GLIS3: variants seen among roughly 807,000 people sequenced by gnomAD.
The protein encoded by GLIS3 is zinc finger protein GLIS3.
In GLIS3, 53 loss-of-function variants were observed where a neutral mutation model predicts 78.6. The observed-to-expected ratio is 0.67, with a 90% CI of 0.54 to 0.85. The LOEUF (loss-of-function observed/expected upper bound fraction) is 0.85. Ranked by LOEUF, GLIS3 falls within the 40% of genes least tolerant of loss-of-function variation. GLIS3 has a pLI of 0.00. For missense variants in GLIS3, 1,703 were observed against 1,231.1 expected (o/e 1.38, Z -5.74); for synonymous variants, 684 against 509.9 (o/e 1.34, Z -4.60).
intron 4 of GLIS3, among the ~76,000 whole-genome samples, chr9:3,954,799 T>C (rs928938119): frequency 6.6e-6 from 1 of 152,202 alleles, no homozygotes; most frequent in Non-Finnish European, 1.5e-5. Flanking sequence ...CATTCTTTAC[T>C]CATCCTCCCC....
At chr9:3,839,704 C>T (rs1490324359) in intron 9 of GLIS3, among the ~76,000 whole-genome samples, 2 of 152,110 alleles carry the variant, frequency 1.3e-5, no homozygotes, top group Non-Finnish European at 2.9e-5. Flanking sequence ...TGTCAGATTA[C>T]TGGGGCTCAG....
chr9:3,898,282 C>A, intron 7 of GLIS3: 2 of 264,758 alleles, frequency 7.6e-6, no homozygotes, highest in South Asian at 4.4e-5. Flanking sequence ...GTGAAAATTT[C>A]CTTAGAGACC....
At chr9:4,228,173 A>G (rs1821937477) in intron 2 of GLIS3, among the ~76,000 whole-genome samples, 1 of 147,762 alleles carries the variant, frequency 6.8e-6, no homozygotes, top group Non-Finnish European at 1.5e-5. Context: ...TAAAGTAGAA[A>G]TTCATAAAGA....
intron 4 of GLIS3, among the ~76,000 whole-genome samples, chr9:4,095,686 C>T (rs1230436030): frequency 1.3e-5 from 2 of 152,112 alleles, no homozygotes; most frequent in Non-Finnish European, 2.9e-5. Flanking sequence ...TATAAATTTG[C>T]TTCATGTTTA....
At chr9:4,255,603 A>G (rs1394739061) in intron 2 of GLIS3, among the ~76,000 whole-genome samples, 2 of 152,210 alleles carry the variant, frequency 1.3e-5, no homozygotes, top group African/African-American at 4.8e-5. Context: ...AAGTGAAAGA[A>G]GCCAGTCTGA....
At chr9:4,078,340 G>C (rs1424839922) in intron 4 of GLIS3, among the ~76,000 whole-genome samples, 1 of 152,122 alleles carries the variant, frequency 6.6e-6, no homozygotes, top group Non-Finnish European at 1.5e-5. Context: ...CTTCTGCAAA[G>C]TCCTGCTCCT....
chr9:4,209,962 G>A (rs941104314), intron 2 of GLIS3, among the ~76,000 whole-genome samples: 3 of 152,180 alleles, frequency 2.0e-5, no homozygotes, highest in African/African-American at 7.2e-5. Flanking sequence ...CATCCGTAAT[G>A]TTTTCCATCA....
At chr9:4,134,745 T>C (rs373932665) in intron 2 of GLIS3, among the ~76,000 whole-genome samples, 15 of 152,260 alleles carry the variant, frequency 9.9e-5, no homozygotes, top group African/African-American at 3.6e-4. Context: ...CTAGCCATTT[T>C]TTAAAAAAGG....
chr9:4,175,817 T>C (rs981086836), intron 2 of GLIS3, among the ~76,000 whole-genome samples: 4 of 152,214 alleles, frequency 2.6e-5, no homozygotes, highest in Admixed American at 6.5e-5. Flanking sequence ...GCATATTACA[T>C]GTCTTTTTTT....
intron 2 of GLIS3, among the ~76,000 whole-genome samples, chr9:4,243,899 G>A (rs1013057599): frequency 6.6e-6 from 1 of 152,222 alleles, no homozygotes; most frequent in South Asian, 2.1e-4. Flanking sequence ...GAGCTTAGAA[G>A]AGGATGTGGA....
intron 4 of GLIS3, among the ~76,000 whole-genome samples, chr9:4,108,040 A>G (rs1460173131): frequency 6.6e-6 from 1 of 152,180 alleles, no homozygotes; most frequent in Non-Finnish European, 1.5e-5. Flanking sequence ...AAGGTGAATA[A>G]TTAATGATCT....
chr9:4,257,960 T>G (rs529118385), intron 2 of GLIS3, among the ~76,000 whole-genome samples: 1 of 152,280 alleles, frequency 6.6e-6, no homozygotes, highest in Admixed American at 6.5e-5. Flanking sequence ...ATATCTAATT[T>G]GAAGATTTTT....
chr9:3,879,307 C>T (rs1821560649), intron 8 of GLIS3, 120 bp downstream of exon 8: 1 of 930,182 alleles, frequency 1.1e-6, no homozygotes, highest in Non-Finnish European at 1.8e-6. Flanking sequence ...AAAATGTCAC[C>T]TTTGGGTAAC....
intron 2 of GLIS3, among the ~76,000 whole-genome samples, chr9:4,160,846 GGTAGTCAC>G (rs1835415572): frequency 6.6e-6 from 1 of 152,146 alleles, no homozygotes; most frequent in African/African-American, 2.4e-5. Flanking sequence ...TGGTAAACCA[GGTAGTCAC>G]CTGTCTCAAT....
the GLIS3 span, among the ~76,000 whole-genome samples, chr9:4,417,902 A>G: frequency 5.2e-4 from 79 of 152,238 alleles, no homozygotes; most frequent in East Asian, 0.014. Context: ...GTGGATTGGT[A>G]TATCTGTCAA....
chr9:4,012,759 CTTTTTCTTTTTTTTT>C (rs925588058), intron 4 of GLIS3, among the ~76,000 whole-genome samples: 2 of 103,506 alleles, frequency 1.9e-5, no homozygotes, highest in African/African-American at 7.1e-5. Context: ...TCTTTTTTTT[CTTTTTCTTTTTTTTT>C]TTTTTTTTTT....
the GLIS3 span, among the ~76,000 whole-genome samples, chr9:4,422,874 A>G: frequency 6.6e-6 from 1 of 152,224 alleles, no homozygotes; most frequent in African/African-American, 2.4e-5. Context: ...ACCCTGAGAT[A>G]GAAAAAGTAA....
At chr9:4,405,872 T>C in the GLIS3 span, among the ~76,000 whole-genome samples, 4 of 152,236 alleles carry the variant, frequency 2.6e-5, no homozygotes, top group Non-Finnish European at 4.4e-5. Context: ...TCATTCATTA[T>C]GATCAAATGG....
the GLIS3 span, among the ~76,000 whole-genome samples, chr9:4,485,582 G>C: frequency 6.6e-6 from 1 of 152,120 alleles, no homozygotes; most frequent in African/African-American, 2.4e-5. Context: ...CTCCCCATGT[G>C]ACTAGCTTTG....
Sources: allele counts gnomAD v4.1 joint callset (sites outside exome capture counted in the v4.1 genomes callset), GRCh38; gene constraint gnomAD v4.1.1; transcripts MANE v1.5; gene names NCBI Gene and HGNC (gene_info 2026-07-23, HGNC 2026-07-21).